IL1RN: variants seen among roughly 807,000 people sequenced by gnomAD.
The protein encoded by IL1RN is interleukin-1 receptor antagonist protein.
Under a neutral mutation model 13.7 loss-of-function variants are expected in IL1RN, and 10 were observed. The observed-to-expected ratio is 0.73, with a 90% CI of 0.45 to 1.24. The LOEUF (loss-of-function observed/expected upper bound fraction) is 1.24. Ranked by LOEUF, IL1RN falls within the 50% of genes most tolerant of loss-of-function variation. IL1RN has a pLI of 0.00. For synonymous variants in IL1RN, 102 were observed against 82.7 expected, an observed-to-expected ratio of 1.23 and a Z score of -1.27; for missense variants, 213 against 222.1, an observed-to-expected ratio of 0.96 and a Z score of 0.26.
upstream of IL1RN, among the ~76,000 whole-genome samples, chr2:113,113,639 A>G (rs1397735076): frequency 1.3e-5 from 2 of 152,154 alleles, no homozygotes; most frequent in African/African-American, 2.4e-5. Context: ...AAGGTGATGG[A>G]TATGTTTATG....
chr2:113,131,658 G>A (rs1007515783), intron 3 of IL1RN, among the ~76,000 whole-genome samples: 2 of 151,874 alleles, frequency 1.3e-5, no homozygotes, highest in African/African-American at 4.8e-5. Flanking sequence ...TTGCTCAAGG[G>A]CCCCCCTACC....
Position 113,132,853 on chromosome 2 carries a change from C to A in IL1RN, c.516C>A (p.Tyr172Ter). 1 of 1,614,202 alleles carries A rather than the reference C, an allele frequency of 6.2e-7. No homozygotes were observed. Among genetic ancestry groups the A allele is most frequent in the Non-Finnish European group, 8.5e-7 (1 of 1,180,006 alleles). ...AAGGCGTCATGGTCACCAAATTCTA[C>A]TTCCAGGAGGACGAGTAGTACTGCC... ...PDEGVMVTKF[Y>*]FQEDE The change falls in exon 4 of 4, where the codon TAC (tyrosine) becomes TAA (stop). Residue 172 changes from tyrosine to a stop codon, truncating the protein, a stop_gained. Coordinates refer to ENST00000409930, the MANE Select transcript of IL1RN (RefSeq NM_173842.3). LOFTEE classifies it high-confidence loss of function.
At chr2:113,131,473 G>A (rs1388635600) in intron 3 of IL1RN, among the ~76,000 whole-genome samples, 1 of 152,070 alleles carries the variant, frequency 6.6e-6, no homozygotes, top group African/African-American at 2.4e-5. Flanking sequence ...CAACATGCAG[G>A]CGCTTATTAT....
chr2:113,104,155 A>G (rs1019171894), upstream of IL1RN, among the ~76,000 whole-genome samples: 1 of 152,190 alleles, frequency 6.6e-6, no homozygotes, highest in Non-Finnish European at 1.5e-5. Flanking sequence ...AGAGTTCCTG[A>G]GAAATGTCTG....
upstream of IL1RN, among the ~76,000 whole-genome samples, chr2:113,104,556 G>T (rs941388329): frequency 6.6e-6 from 1 of 152,192 alleles, no homozygotes; most frequent in Non-Finnish European, 1.5e-5. Flanking sequence ...AGTAACTGAT[G>T]ACTTGGAGTT....
chr2:113,133,209 C>G lies in IL1RN; in HGVS notation c.*338C>G. ...CACTGCCTCTTCCTCCCTCATTCCA[C>G]CTTCCCATGCCCTGGATCCATCAGG... On this transcript the variant is annotated 3_prime_UTR_variant, in exon 4 of 4. Transcript: ENST00000409930. The G allele has an allele frequency of 2.4e-6, 1 of 411,742 alleles. No homozygotes were observed. Among genetic ancestry groups the G allele is most frequent in the Non-Finnish European group, 4.6e-6 (1 of 217,578 alleles). 25.5% of individuals were successfully genotyped at this position (411,742 alleles called of 1,614,324 possible).
At chr2:113,127,426 A>G (rs761519699), upstream of IL1RN, 6 of 1,366,970 alleles carry the variant, frequency 4.4e-6, no homozygotes, top group East Asian at 2.8e-5. Flanking sequence ...GGAATCAGTT[A>G]CAACACTCCA....
Position 113,133,217 on chromosome 2 carries a change from T to G in IL1RN, c.*346T>G. Reference sequence around the variant, plus strand: ...CTTCCTCCCTCATTCCACCTTCCCATGCCCTGGATCCATCAGGCCACTTGA... The same window carrying G: ...CTTCCTCCCTCATTCCACCTTCCCAGGCCCTGGATCCATCAGGCCACTTGA... On this transcript the variant is annotated 3_prime_UTR_variant, in exon 4 of 4. Coordinates refer to ENST00000409930, the MANE Select transcript of IL1RN (RefSeq NM_173842.3). The G allele has an allele frequency of 2.5e-6, 1 of 392,976 alleles. No individual in the cohort carries two copies. The highest frequency in any genetic ancestry group is 4.9e-6 in the Non-Finnish European group (1 of 205,942). The allele number at this position is 392,976 out of a possible 1,614,324, so 24.3% of individuals were successfully genotyped here.
Position 113,120,340 on chromosome 2 carries a change from CTATGTATGTATG to C in IL1RN, c.73+229_73+240del, listed in dbSNP as rs4251988. ...TTTTGAATACTCCTGTGTGATTGCT[CTATGTATGTATG>C]TATGTATGTATGTATGCATGTATCT... is the stretch of plus-strand genomic sequence containing the variant. On this transcript the variant is annotated intron_variant, in intron 2 of 5. Transcript: ENST00000259206. Among the ~76,000 whole-genome samples, 30 of 151,724 alleles carry C rather than the reference CTATGTATGTATG, an allele frequency of 2.0e-4. No individual in the cohort carries two copies. In the South Asian group the frequency reaches 5.2e-3, roughly 26 times the overall value.
chr2:113,107,372 A>G (rs980672116), upstream of IL1RN: 1 of 152,226 alleles, frequency 6.6e-6, no homozygotes, highest in Non-Finnish European at 1.5e-5. Flanking sequence ...CAGTTGAAAG[A>G]CATCTTGAAA....
chr2:113,120,863 AG>A (rs1311328608), intron 2 of IL1RN, among the ~76,000 whole-genome samples: 1 of 152,188 alleles, frequency 6.6e-6, no homozygotes, highest in East Asian at 1.9e-4. Context: ...CCTCTTTAGG[AG>A]GACTGTAGTG....
At chr2:113,121,633 T>C (rs56280458) in intron 2 of IL1RN, 335 of 983,116 alleles carry the variant, frequency 3.4e-4, no homozygotes, top group Non-Finnish European at 3.9e-4. Context: ...GTTAACCATG[T>C]AGATCTGAGA....
At chr2:113,120,148 C>T in intron 2 of IL1RN, 2 of 1,589,926 alleles carry the variant, frequency 1.3e-6, no homozygotes, top group South Asian at 1.1e-5. Flanking sequence ...TTTTAGGATC[C>T]AAGTTTGAAA....
chr2:113,122,164 C>T (rs1489247037), intron 2 of IL1RN, among the ~76,000 whole-genome samples: 1 of 152,190 alleles, frequency 6.6e-6, no homozygotes, highest in Non-Finnish European at 1.5e-5. Context: ...AAGCTGGATG[C>T]CAACATTTCA....
chr2:113,123,442 C>T (rs1686848454), upstream of IL1RN, among the ~76,000 whole-genome samples: 1 of 152,164 alleles, frequency 6.6e-6, no homozygotes, highest in Admixed American at 6.5e-5. Flanking sequence ...GGGAGGGTCC[C>T]TGATAATCCC....
At chr2:113,120,969 C>T (rs993823655) in intron 2 of IL1RN, among the ~76,000 whole-genome samples, 4 of 151,972 alleles carry the variant, frequency 2.6e-5, no homozygotes, top group Non-Finnish European at 5.9e-5. Context: ...GTTTCTTCTT[C>T]TTCTTCTTCT....
At chr2:113,122,549 A>G (rs1450304273) in intron 2 of IL1RN, among the ~76,000 whole-genome samples, 4 of 152,202 alleles carry the variant, frequency 2.6e-5, no homozygotes, top group Non-Finnish European at 5.9e-5. Context: ...TGGAGATTCA[A>G]TTGTTAAACT....
At chr2:113,120,163 T>C in intron 2 of IL1RN, 1 of 1,452,008 alleles carries the variant, frequency 6.9e-7, no homozygotes, top group East Asian at 2.3e-5. Flanking sequence ...TTGAAAACAA[T>C]TTTAGGCTAC....
At position 113,129,496 on chromosome 2, in the gene IL1RN, T is replaced by TG; in HGVS notation, c.117-75dup. Reference sequence around the variant, plus strand: ...AGCTGGATGCAAATTTGACAAGTTCTGGGGGACACAGGAAGGTGCCAAGCA... The same window carrying TG: ...AGCTGGATGCAAATTTGACAAGTTCTGGGGGGACACAGGAAGGTGCCAAGCA... On this transcript the variant is annotated intron_variant, in intron 1 of 3. Coordinates refer to ENST00000409930, the MANE Select transcript of IL1RN (RefSeq NM_173842.3). 6 of 875,954 alleles carry TG rather than the reference T, an allele frequency of 6.8e-6. 1 individual carries two copies. The highest frequency in any genetic ancestry group is 5.3e-5 in the South Asian group (4 of 75,888). 54.3% of individuals were successfully genotyped at this position (875,954 alleles called of 1,614,324 possible).
Sources: gnomAD v4.1 joint callset for allele counts (sites outside exome capture counted in the v4.1 genomes callset) on GRCh38, gnomAD v4.1.1 for gene constraint, MANE v1.5 for transcripts, NCBI Gene and HGNC (gene_info 2026-07-23, HGNC 2026-07-21) for gene names.